Variants in ATP8A1 observed in about 807,000 individuals in gnomAD.
ATP8A1 encodes ATPase phospholipid transporting 8A1, also known as phospholipid-transporting ATPase IA.
ATP8A1 carries 90 observed loss-of-function variants against 177.7 expected under a neutral mutation model. That is an observed-to-expected ratio of 0.51 (90% CI 0.43 to 0.60). ATP8A1 has a LOEUF of 0.60. Ranked by LOEUF, ATP8A1 falls within the 20% of genes least tolerant of loss-of-function variation. The probability of loss-of-function intolerance (pLI) is 0.00; values close to 1 mark genes in which losing one functional copy is unlikely to be tolerated. For synonymous variants in ATP8A1, 493 were observed against 485.9 expected, an observed-to-expected ratio of 1.01 and a Z score of -0.19; for missense variants, 1,072 against 1,392.8, an observed-to-expected ratio of 0.77 and a Z score of 3.67.
At chr4:42,648,545 C>T (rs1478177877) in intron 1 of ATP8A1, among the ~76,000 whole-genome samples, 1 of 151,842 alleles carries the variant, frequency 6.6e-6, no homozygotes, top group Non-Finnish European at 1.5e-5. Flanking sequence ...AAGTAAATCA[C>T]ACAGGAATTA....
intron 1 of ATP8A1, among the ~76,000 whole-genome samples, chr4:42,636,162 A>ACGCGCGTGCGCGCG (rs1327787678): frequency 1.9e-5 from 2 of 102,882 alleles, no homozygotes; most frequent in African/African-American, 3.9e-5. Context: ...ACACACGCAC[A>ACGCGCGTGCGCGCG]CACACACACA....
At chr4:42,594,365 G>A in intron 6 of ATP8A1, 1 of 1,537,742 alleles carries the variant, frequency 6.5e-7, no homozygotes, top group Non-Finnish European at 9.0e-7. Flanking sequence ...ACATTTACCT[G>A]AAAGAAAACT....
chr4:42,617,638 T>C (rs2109457631), intron 4 of ATP8A1, among the ~76,000 whole-genome samples: 1 of 152,308 alleles, frequency 6.6e-6, no homozygotes, highest in Middle Eastern at 3.4e-3. Context: ...GAGGCACAAA[T>C]GTTTCCAAAA....
At chr4:42,503,403 A>T in intron 24 of ATP8A1, 47 bp downstream of exon 24, 1 of 1,100,528 alleles carries the variant, frequency 9.1e-7, no homozygotes, top group Non-Finnish European at 1.4e-6. Context: ...ATACTATAGC[A>T]TGAATATATT....
chr4:42,507,729 C>CAAAAAAA lies in ATP8A1; in HGVS notation c.1948-582_1948-576dup, dbSNP rs34269384. 2.9e-3 allele frequency among the ~76,000 whole-genome samples: 26 copies of CAAAAAAA among 8,914 alleles called. 5 individuals carry two copies. The highest frequency in any genetic ancestry group is 0.01 in the East Asian group (1 of 100). The allele number at this position is 8,914 out of a possible 152,430, so 5.8% of individuals were successfully genotyped here. ...TGGGCAAGAGAGCGAGACTCCATCT[C>CAAAAAAA]AAAAAAAAAAAAAAAAAAAAAAAAA... On this transcript the variant is annotated intron_variant, in intron 22 of 36. Coordinates refer to ENST00000381668, the MANE Select transcript of ATP8A1 (RefSeq NM_006095.2).
chr4:42,431,968 C>T (rs984657681), intron 33 of ATP8A1, among the ~76,000 whole-genome samples: 1 of 152,210 alleles, frequency 6.6e-6, no homozygotes, highest in African/African-American at 2.4e-5. Context: ...CTTGATCTTT[C>T]CAACCGCATT....
chr4:42,421,958 T>G (rs1713996783), intron 35 of ATP8A1, among the ~76,000 whole-genome samples: 2 of 152,020 alleles, frequency 1.3e-5, no homozygotes, highest in South Asian at 4.2e-4. Context: ...GGGGGTGGTG[T>G]AAGGAAGAGA....
intron 5 of ATP8A1, among the ~76,000 whole-genome samples, chr4:42,601,442 C>T (rs758007065): frequency 1.0e-4 from 15 of 150,050 alleles, no homozygotes; most frequent in South Asian, 2.1e-4. Context: ...CTTAGGGTTT[C>T]GCTACTGCTT....
chr4:42,419,859 C>T (rs1194599833), intron 35 of ATP8A1, among the ~76,000 whole-genome samples: 3 of 151,892 alleles, frequency 2.0e-5, no homozygotes, highest in Non-Finnish European at 4.4e-5. Flanking sequence ...AAAAATTAGC[C>T]GGGTGTGATG....
At chr4:42,629,316 GA>G (rs1738471390) in intron 1 of ATP8A1, among the ~76,000 whole-genome samples, 1 of 152,232 alleles carries the variant, frequency 6.6e-6, no homozygotes, top group Non-Finnish European at 1.5e-5. Context: ...CCATCGAAGA[GA>G]CTGGATGGCT....
intron 22 of ATP8A1, among the ~76,000 whole-genome samples, chr4:42,508,239 T>C (rs949697313): frequency 1.3e-5 from 2 of 152,176 alleles, no homozygotes; most frequent in Non-Finnish European, 2.9e-5. Context: ...TCCAAGTGAT[T>C]CTCCTGCCTC....
At chr4:42,591,551 G>C (rs7691804) in intron 6 of ATP8A1, among the ~76,000 whole-genome samples, 2 of 152,108 alleles carry the variant, frequency 1.3e-5, no homozygotes, top group African/African-American at 4.8e-5. Flanking sequence ...GAAGTCTAGA[G>C]AATGCATTGT....
At chr4:42,440,512 A>G (rs1021472304) in intron 33 of ATP8A1, among the ~76,000 whole-genome samples, 9 of 152,132 alleles carry the variant, frequency 5.9e-5, no homozygotes, top group African/African-American at 2.2e-4. Flanking sequence ...TTGCACTAGA[A>G]AAGTGAGCTA....
rs1316057818 is a variant in ATP8A1 at position 42,409,181 on chromosome 4, C to A, written c.*3735G>T. On this transcript the variant is annotated 3_prime_UTR_variant, in exon 37 of 37. Transcript: ENST00000381668. ...ATTTACAGCAATAGCCATGCATTGG[C>A]CTGGATCACTTTAAATATGAACTCA... The A allele has an allele frequency of 6.6e-6, 1 of 152,130 alleles. No individual in the cohort carries two copies. Among genetic ancestry groups the A allele is most frequent in the Non-Finnish European group, 1.5e-5 (1 of 68,010 alleles). The allele number at this position is 152,130 out of a possible 1,614,324, so 9.4% of individuals were successfully genotyped here.
intron 1 of ATP8A1, among the ~76,000 whole-genome samples, chr4:42,634,193 C>T (rs547833794): frequency 6.6e-6 from 1 of 152,280 alleles, no homozygotes; most frequent in African/African-American, 2.4e-5. Context: ...ACTCTGGAGG[C>T]AGAGCTGGCA....
At chr4:42,564,254 GC>G (rs199823592) in intron 15 of ATP8A1, among the ~76,000 whole-genome samples, 4 of 151,836 alleles carry the variant, frequency 2.6e-5, no homozygotes, top group African/African-American at 4.8e-5. Context: ...TGGGGTCAGA[GC>G]CCCCCCCAAC....
At chr4:42,518,217 AT>A (rs1460253852) in intron 22 of ATP8A1, among the ~76,000 whole-genome samples, 2 of 152,172 alleles carry the variant, frequency 1.3e-5, no homozygotes, top group Non-Finnish European at 2.9e-5. Flanking sequence ...ATTTCCTCTT[AT>A]TTTGTACTAA....
intron 25 of ATP8A1, among the ~76,000 whole-genome samples, chr4:42,469,572 C>G (rs1161583917): frequency 1.3e-5 from 2 of 152,110 alleles, no homozygotes; most frequent in African/African-American, 4.8e-5. Flanking sequence ...TAGCATAAAG[C>G]TTTGATATGA....
In ATP8A1 at chr4:42,602,694, G is replaced by T. The variant is rs534446969; in HGVS notation, c.410-2176C>A. Among the ~76,000 whole-genome samples, 4 of 152,246 alleles carry T rather than the reference G, an allele frequency of 2.6e-5. No individual in the cohort carries two copies. The South Asian group carries it at 6.2e-4, about 24-fold the overall frequency. ...TGAGACAGGAGAATGGCTTGACCCC[G>T]CGAGGGGGAGGTTGCAGTGAGCCAA... On this transcript the variant is annotated intron_variant, in intron 5 of 36. Transcript: ENST00000381668.
Sources: allele counts gnomAD v4.1 joint callset (sites outside exome capture counted in the v4.1 genomes callset), GRCh38; gene constraint gnomAD v4.1.1; transcripts MANE v1.5; gene names NCBI Gene and HGNC (gene_info 2026-07-23, HGNC 2026-07-21).